TTC7B: variants seen among roughly 807,000 people sequenced by gnomAD.
TTC7B encodes tetratricopeptide repeat domain 7B.
TTC7B carries 28 observed loss-of-function variants against 106.8 expected under a neutral mutation model. The observed-to-expected ratio is 0.26, with a 90% CI of 0.19 to 0.36. The LOEUF (loss-of-function observed/expected upper bound fraction) is 0.36. Among genes scored for constraint, TTC7B ranks in the 10% least tolerant of loss-of-function variants. The pLI is 1.00. For missense variants in TTC7B, 862 were observed against 1,076.4 expected (o/e 0.80, Z 2.79); for synonymous variants, 405 against 430.6 (o/e 0.94, Z 0.74).
intron 19 of TTC7B, among the ~76,000 whole-genome samples, chr14:90,563,261 C>T (rs1020491742): frequency 6.6e-6 from 1 of 152,172 alleles, no homozygotes; most frequent in Admixed American, 6.5e-5. Context: ...AGGCATGTCT[C>T]GGAGCTACCA....
At chr14:90,675,266 A>G (rs1886784789) in intron 9 of TTC7B, 1 of 152,154 alleles carries the variant, frequency 6.6e-6, no homozygotes, top group Admixed American at 6.5e-5. Context: ...GAGAGGTGAT[A>G]ATGTGTTTTG....
At position 90,816,354 on chromosome 14, in the gene TTC7B, C is replaced by G; in HGVS notation, c.-59G>C. ...AGGCCCCACCGCCGCCGCCGCGGCG[C>G]CCCCTCGCCGCCTCCCGCCGCCGCC... On this transcript the variant is annotated 5_prime_UTR_variant, in exon 1 of 20. Coordinates refer to ENST00000328459, the MANE Select transcript of TTC7B (RefSeq NM_001010854.2). 1.1e-6 allele frequency: 1 copy of G among 916,024 alleles called. No homozygotes were observed. Among genetic ancestry groups the G allele is most frequent in the African/African-American group, 1.8e-5 (1 of 55,244 alleles). 56.7% of individuals were successfully genotyped at this position (916,024 alleles called of 1,614,324 possible).
At chr14:90,639,999 C>T (rs1425907711) in intron 15 of TTC7B, among the ~76,000 whole-genome samples, 2 of 152,190 alleles carry the variant, frequency 1.3e-5, no homozygotes, top group Non-Finnish European at 2.9e-5. Flanking sequence ...GGAGTACACG[C>T]CGGGTGCGGT....
chr14:90,647,125 C>T (rs1885492480), intron 13 of TTC7B, 102 bp from the exon 14 acceptor site: 4 of 978,978 alleles, frequency 4.1e-6, no homozygotes, highest in Admixed American at 1.9e-5. Context: ...TACTAAGGGC[C>T]CGTATTTATT....
At chr14:90,722,684 G>C (rs1050314898) in intron 5 of TTC7B, among the ~76,000 whole-genome samples, 2 of 152,198 alleles carry the variant, frequency 1.3e-5, no homozygotes, top group African/African-American at 4.8e-5. Context: ...ACTCCACCAA[G>C]TTTGTTCAGG....
At chr14:90,706,900 C>T (rs1742091) in intron 5 of TTC7B, among the ~76,000 whole-genome samples, 50,656 of 152,120 alleles carry the variant, frequency 0.33, 8,757 homozygotes, top group Middle Eastern at 0.39. Flanking sequence ...CATACATGTA[C>T]ATATGTGTGT....
chr14:90,570,784 G>A lies in TTC7B; in HGVS notation c.2310+7322C>T, dbSNP rs1343600781. 6.6e-6 allele frequency among the ~76,000 whole-genome samples: 1 copy of A among 152,172 alleles called. No individual in the cohort carries two copies. The highest frequency in any genetic ancestry group is 1.5e-5 in the Non-Finnish European group (1 of 68,036). On this transcript the variant is annotated intron_variant, in intron 19 of 19. Transcript: ENST00000328459. The surrounding 1 kb of genome is among the most constrained non-coding windows in gnomAD (Gnocchi z 4.0). ...AGAGCTGATATTTGCGGAGTGTGAG[G>A]CACCCTGCTAACTCATTTAACCCGC...
chr14:90,623,631 T>C (rs1235380314), intron 15 of TTC7B, among the ~76,000 whole-genome samples: 1 of 152,244 alleles, frequency 6.6e-6, no homozygotes, highest in Non-Finnish European at 1.5e-5. Context: ...TTGGGCCAGA[T>C]GATGGCCCTG....
rs1482062897 is a variant in TTC7B, at chr14:90,624,654, A to G, written c.1752-6609T>C. Among the ~76,000 whole-genome samples, 1 of 152,272 alleles carries G rather than the reference A, an allele frequency of 6.6e-6. No individual in the cohort carries two copies. Among genetic ancestry groups the G allele is most frequent in the Non-Finnish European group, 1.5e-5 (1 of 68,048 alleles). On this transcript the variant is annotated intron_variant, in intron 15 of 19. Coordinates refer to ENST00000328459, the MANE Select transcript of TTC7B (RefSeq NM_001010854.2). This position sits in a 1 kb window ranked among gnomAD's most constrained non-coding sequence, Gnocchi z 4.0. The stretch of plus-strand genomic sequence containing the variant: ...CGATGAAAATAAGTTAGAGAAGTTC[A>G]GAGAAATACTAAAGTAATAATTCCC...
Position 90,546,737 on chromosome 14 carries a change from C to A in TTC7B, c.2311-5148G>T, listed in dbSNP as rs565740354. 3.9e-5 allele frequency among the ~76,000 whole-genome samples: 6 copies of A among 152,340 alleles called. No homozygotes were observed. The South Asian group carries it at 1.2e-3, about 32-fold the overall frequency. On this transcript the variant is annotated intron_variant, in intron 19 of 19. Coordinates refer to ENST00000328459, the MANE Select transcript of TTC7B (RefSeq NM_001010854.2). Reference sequence around the variant, plus strand: ...ACCATATAACCTGCCACTCCCTGCCCCCATATCAAACCCAACAAAACCCAC... The same window carrying A: ...ACCATATAACCTGCCACTCCCTGCCACCATATCAAACCCAACAAAACCCAC...
chr14:90,595,086 C>A (rs1892150013), intron 17 of TTC7B, among the ~76,000 whole-genome samples: 1 of 152,212 alleles, frequency 6.6e-6, no homozygotes, highest in South Asian at 2.1e-4. Context: ...ATAATCCCAG[C>A]ACTTTGGGAG....
intron 18 of TTC7B, among the ~76,000 whole-genome samples, chr14:90,592,174 C>A (rs775143081): frequency 6.6e-6 from 1 of 152,064 alleles, no homozygotes; most frequent in Non-Finnish European, 1.5e-5. Flanking sequence ...TACGATTAGC[C>A]TTGGCAAAAA....
At chr14:90,561,596 C>T (rs1890583951) in intron 19 of TTC7B, among the ~76,000 whole-genome samples, 3 of 152,206 alleles carry the variant, frequency 2.0e-5, no homozygotes, top group Admixed American at 1.3e-4. Flanking sequence ...CACCATCGTC[C>T]CCACATACAG....
At chr14:90,647,203 T>TA in intron 13 of TTC7B, 180 bp from the exon 14 acceptor site, 1 of 594,484 alleles carries the variant, frequency 1.7e-6, no homozygotes, top group Non-Finnish European at 3.0e-6. Flanking sequence ...ATTTCCCTCT[T>TA]ACCACTGTAT....
intron 3 of TTC7B, 43 bp downstream of exon 3, chr14:90,780,695 G>T: frequency 6.3e-7 from 1 of 1,588,492 alleles, no homozygotes. Context: ...GGCGCTGCTG[G>T]CTCCAGGTCA....
At chr14:90,636,808 C>A (rs1281021121) in intron 15 of TTC7B, among the ~76,000 whole-genome samples, 1 of 151,460 alleles carries the variant, frequency 6.6e-6, no homozygotes, top group Non-Finnish European at 1.5e-5. Flanking sequence ...AAGAAAATAA[C>A]AGAAATTTCA....
At chr14:90,699,717 TTTC>T (rs1887910312) in intron 5 of TTC7B, among the ~76,000 whole-genome samples, 1 of 152,224 alleles carries the variant, frequency 6.6e-6, no homozygotes, top group Non-Finnish European at 1.5e-5. Context: ...TTCTCCATGT[TTTC>T]TTCTCACCAA....
intron 1 of TTC7B, among the ~76,000 whole-genome samples, chr14:90,788,961 C>CAA (rs34493796): frequency 2.9e-5 from 4 of 138,486 alleles, no homozygotes; most frequent in Non-Finnish European, 3.1e-5. Flanking sequence ...GACTCCATCT[C>CAA]AAAAAAAAAA....
intron 3 of TTC7B, among the ~76,000 whole-genome samples, chr14:90,773,985 G>A (rs2140028968): frequency 6.6e-6 from 1 of 152,262 alleles, no homozygotes; most frequent in African/African-American, 2.4e-5. Flanking sequence ...AAAAAATAAA[G>A]AGCCCTGGAC....
Sources: allele counts gnomAD v4.1 joint callset (sites outside exome capture counted in the v4.1 genomes callset), GRCh38; gene constraint gnomAD v4.1.1; non-coding constraint Gnocchi (gnomAD v3.1); transcripts MANE v1.5; gene names NCBI Gene and HGNC (gene_info 2026-07-23, HGNC 2026-07-21).